The following LMO1 variants were observed in gnomAD, a reference collection of about 807,000 sequenced individuals.
LMO1 encodes the protein LIM domain only 1.
A neutral mutation model predicts 18.0 loss-of-function variants in LMO1; 10 were observed. The ratio of observed to expected loss-of-function variants is 0.55; its 90% CI spans 0.34 to 0.94. LMO1 has a LOEUF of 0.94. LMO1 is among the 40% of genes least tolerant of loss of function. The pLI, the probability that LMO1 is intolerant of heterozygous loss-of-function variation, is 0.02. For missense variants in LMO1, 183 were observed against 205.7 expected (o/e 0.89, Z 0.68); for synonymous variants, 77 against 77.9 (o/e 0.99, Z 0.06).
intron 1 of LMO1, among the ~76,000 whole-genome samples, chr11:8,262,820 C>G (rs908168398): frequency 6.6e-5 from 10 of 152,340 alleles, no homozygotes; most frequent in Admixed American, 6.5e-4. Context: ...GCCTGCCGGG[C>G]ACCCTGGCGC....
At chr11:8,246,514 T>A (rs1347301386) in intron 1 of LMO1, among the ~76,000 whole-genome samples, 1 of 152,190 alleles carries the variant, frequency 6.6e-6, no homozygotes, top group African/African-American at 2.4e-5. Flanking sequence ...GAAAGTAGTT[T>A]AGTGGTTGCC....
At chr11:8,238,181 C>T (rs887709703) in intron 1 of LMO1, among the ~76,000 whole-genome samples, 1 of 151,800 alleles carries the variant, frequency 6.6e-6, no homozygotes, top group African/African-American at 2.4e-5. Flanking sequence ...AACAGTAAAA[C>T]GAAATAAATT....
intron 1 of LMO1, among the ~76,000 whole-genome samples, chr11:8,260,612 C>G (rs1356708647): frequency 6.6e-6 from 1 of 152,000 alleles, no homozygotes; most frequent in Non-Finnish European, 1.5e-5. Context: ...TTCAATACTT[C>G]AGAAAGTCTC....
upstream of LMO1, among the ~76,000 whole-genome samples, chr11:8,264,499 G>A (rs11041835): frequency 0.15 from 22,571 of 152,128 alleles, 1,765 homozygotes; most frequent in Non-Finnish European, 0.19. Flanking sequence ...CATAAGGCAG[G>A]AAAAGAGACA....
chr11:8,255,618 A>G (rs1228095067), intron 1 of LMO1, among the ~76,000 whole-genome samples: 1 of 152,118 alleles, frequency 6.6e-6, no homozygotes. Flanking sequence ...CCAGCATCCA[A>G]CTGATCAGCC....
chr11:8,268,554 G>T (rs1387908376), upstream of LMO1: 21 of 1,009,422 alleles, frequency 2.1e-5, no homozygotes, highest in Non-Finnish European at 2.7e-5. Flanking sequence ...CCGCGCGGGC[G>T]CCGAGTCCGG....
intron 1 of LMO1, among the ~76,000 whole-genome samples, chr11:8,246,504 G>T (rs1479049798): frequency 6.6e-6 from 1 of 152,198 alleles, no homozygotes; most frequent in African/African-American, 2.4e-5. Context: ...TATACAGACA[G>T]AAAGTAGTTT....
intron 1 of LMO1, among the ~76,000 whole-genome samples, chr11:8,251,879 G>A (rs2134570507): frequency 6.7e-6 from 1 of 149,068 alleles, no homozygotes; most frequent in East Asian, 2.1e-4. Flanking sequence ...GTGAGTGTGT[G>A]TGTGTATAGG....
intron 1 of LMO1, among the ~76,000 whole-genome samples, chr11:8,232,026 C>T (rs569001969): frequency 4.6e-5 from 7 of 152,222 alleles, no homozygotes; most frequent in African/African-American, 7.2e-5. Context: ...AGTCAGCCAC[C>T]GTCAAGCTGG....
At chr11:8,268,388 C>T (rs992065586), upstream of LMO1, 63 of 1,462,084 alleles carry the variant, frequency 4.3e-5, no homozygotes, top group Non-Finnish European at 5.3e-5. Context: ...CCACGTCCCG[C>T]GTGCCCCCGG....
intron 1 of LMO1, among the ~76,000 whole-genome samples, chr11:8,238,864 TA>T (rs1288406362): frequency 6.6e-6 from 1 of 152,150 alleles, no homozygotes; most frequent in Non-Finnish European, 1.5e-5. Context: ...TAACTGCATA[TA>T]TGTGATACCC....
intron 1 of LMO1, among the ~76,000 whole-genome samples, chr11:8,234,328 C>G (rs1409179403): frequency 6.6e-6 from 1 of 152,144 alleles, no homozygotes; most frequent in East Asian, 1.9e-4. Flanking sequence ...GAGGTCATCC[C>G]GCCCCTCCCA....
chr11:8,231,295 G>C (rs1952653818), intron 1 of LMO1, among the ~76,000 whole-genome samples: 1 of 152,172 alleles, frequency 6.6e-6, no homozygotes, highest in East Asian at 1.9e-4. Context: ...AAGTACAAAG[G>C]GCCCAATGTG....
intron 1 of LMO1, among the ~76,000 whole-genome samples, chr11:8,257,426 G>A (rs866510852): frequency 6.6e-6 from 1 of 152,222 alleles, no homozygotes; most frequent in South Asian, 2.1e-4. Context: ...TTACATCTGA[G>A]GATAGAACTG....
intron 1 of LMO1, among the ~76,000 whole-genome samples, chr11:8,255,610 A>G (rs1409876355): frequency 6.6e-6 from 1 of 152,182 alleles, no homozygotes; most frequent in Non-Finnish European, 1.5e-5. Flanking sequence ...TGTCACGCCC[A>G]GCATCCAACT....
chr11:8,232,956 G>C (rs12574271), intron 1 of LMO1, among the ~76,000 whole-genome samples: 1 of 152,046 alleles, frequency 6.6e-6, no homozygotes, highest in African/African-American at 2.4e-5. Flanking sequence ...CTCCAGCACT[G>C]GTCGACAATC....
At chr11:8,244,665 G>A (rs1297377132) in intron 1 of LMO1, among the ~76,000 whole-genome samples, 2 of 152,332 alleles carry the variant, frequency 1.3e-5, no homozygotes, top group East Asian at 3.9e-4. Flanking sequence ...TTACCACTCG[G>A]GCTAACTGAG....
At chr11:8,260,109 T>A (rs1047610376) in intron 1 of LMO1, among the ~76,000 whole-genome samples, 4 of 151,950 alleles carry the variant, frequency 2.6e-5, no homozygotes, top group African/African-American at 9.7e-5. Flanking sequence ...TCCTGCCCAG[T>A]CCCCCACAGA....
chr11:8,238,251 A>G (rs1461326613), intron 1 of LMO1, among the ~76,000 whole-genome samples: 5 of 152,246 alleles, frequency 3.3e-5, no homozygotes, highest in African/African-American at 1.2e-4. Flanking sequence ...TTACTAATAT[A>G]TACTACCTGG....
Sources: gnomAD v4.1 joint callset for allele counts (sites outside exome capture counted in the v4.1 genomes callset) on GRCh38, gnomAD v4.1.1 for gene constraint, MANE v1.5 for transcripts, NCBI Gene and HGNC (gene_info 2026-07-23, HGNC 2026-07-21) for gene names.